Variants in TDRD7 observed in about 807,000 individuals in gnomAD.
The protein encoded by TDRD7 is tudor domain containing 7, also known as tudor domain-containing protein 7.
TDRD7 carries 47 observed loss-of-function variants against 109.8 expected under a neutral mutation model. That is an observed-to-expected ratio of 0.43 (90% CI 0.34 to 0.55). The LOEUF (loss-of-function observed/expected upper bound fraction) is 0.55. Ranked by LOEUF, TDRD7 falls within the 20% of genes least tolerant of loss-of-function variation. TDRD7 has a pLI of 0.03. For synonymous variants in TDRD7, 424 were observed against 457.3 expected (o/e 0.93, Z 0.93); for missense variants, 1,164 against 1,319.2 (o/e 0.88, Z 1.82).
chr9:97,421,919 C>T (rs538857062), intron 1 of TDRD7, among the ~76,000 whole-genome samples: 1 of 152,200 alleles, frequency 6.6e-6, no homozygotes, highest in East Asian at 1.9e-4. Context: ...CAAAGATTTA[C>T]TCCTGTGTAT....
intron 12 of TDRD7, among the ~76,000 whole-genome samples, chr9:97,477,739 T>C (rs557214350): frequency 8.5e-5 from 13 of 152,284 alleles, no homozygotes; most frequent in Admixed American, 7.9e-4. Flanking sequence ...AAGGTAATTA[T>C]TGTTTTGACC....
intron 9 of TDRD7, among the ~76,000 whole-genome samples, chr9:97,471,848 A>G (rs1391725890): frequency 6.6e-6 from 1 of 152,236 alleles, no homozygotes; most frequent in Non-Finnish European, 1.5e-5. Flanking sequence ...AAAAGAAACA[A>G]TAGTGGTTGT....
intron 1 of TDRD7, among the ~76,000 whole-genome samples, chr9:97,423,901 A>G (rs1034866135): frequency 6.6e-6 from 1 of 152,114 alleles, no homozygotes; most frequent in African/African-American, 2.4e-5. Context: ...AGTTGTTTGA[A>G]TATCATTTTA....
chr9:97,464,581 C>T (rs1346458836), intron 7 of TDRD7, among the ~76,000 whole-genome samples: 3 of 152,130 alleles, frequency 2.0e-5, no homozygotes, highest in African/African-American at 7.2e-5. Flanking sequence ...TGGTCTCAAA[C>T]TCCTGACCTT....
chr9:97,475,119 A>T (rs1828996128), intron 11 of TDRD7, among the ~76,000 whole-genome samples: 2 of 152,164 alleles, frequency 1.3e-5, no homozygotes, highest in Non-Finnish European at 2.9e-5. Flanking sequence ...AATCATAATG[A>T]TCTTATGCTA....
At chr9:97,460,838 A>G (rs763730023) in intron 7 of TDRD7, 74 bp downstream of exon 7, 422 of 1,388,332 alleles carry the variant, frequency 3.0e-4, no homozygotes, top group Non-Finnish European at 3.9e-4. Flanking sequence ...ATGGATGTTG[A>G]GGGTTAAAGG....
chr9:97,427,710 A>G lies in TDRD7; in HGVS notation c.-6-750A>G, dbSNP rs187054055. On this transcript the variant is annotated intron_variant, in intron 1 of 16. Coordinates refer to ENST00000355295, the MANE Select transcript of TDRD7 (RefSeq NM_014290.3). ...GGAGCCCACCTCTTCATCCAAACCAATTAATCAATTCCTGCTGATTCCACC... is the reference window on the plus strand; with the variant it reads ...GGAGCCCACCTCTTCATCCAAACCAGTTAATCAATTCCTGCTGATTCCACC... 1.2e-4 allele frequency among the ~76,000 whole-genome samples: 18 copies of G among 152,258 alleles called. No homozygotes were observed. The East Asian group carries it at 3.3e-3, about 28-fold the overall frequency.
intron 15 of TDRD7, among the ~76,000 whole-genome samples, chr9:97,486,539 C>T (rs971872105): frequency 6.6e-6 from 1 of 151,946 alleles, no homozygotes; most frequent in Non-Finnish European, 1.5e-5. Flanking sequence ...TTTTTAATGA[C>T]CTTGTCATAA....
At chr9:97,431,986 G>A in intron 3 of TDRD7, 39 bp from the exon 4 acceptor site, 1 of 1,567,824 alleles carries the variant, frequency 6.4e-7, no homozygotes, top group South Asian at 1.1e-5. Context: ...GGGGTTTGGG[G>A]ATGCTAATTG....
chr9:97,454,616 T>C (rs1828569032), intron 6 of TDRD7, among the ~76,000 whole-genome samples: 1 of 152,140 alleles, frequency 6.6e-6, no homozygotes, highest in Non-Finnish European at 1.5e-5. Context: ...AAGACAGAAA[T>C]CAAGAAGTTC....
At chr9:97,414,538 G>A (rs1454031410) in intron 1 of TDRD7, among the ~76,000 whole-genome samples, 1 of 152,170 alleles carries the variant, frequency 6.6e-6, no homozygotes, top group African/African-American at 2.4e-5. Context: ...AATCAGTAGC[G>A]GAACTAGGAT....
chr9:97,412,527 T>C lies in TDRD7; in HGVS notation c.-7+289T>C, dbSNP rs1241632418. On this transcript the variant is annotated intron_variant, in intron 1 of 16. Coordinates refer to ENST00000355295, the MANE Select transcript of TDRD7 (RefSeq NM_014290.3). This position sits in a 1 kb window ranked among gnomAD's most constrained non-coding sequence, Gnocchi z 4.3. ...CACGCGGGAGTCGGACGGAGCCTCC[T>C]GCCGCCTCGGAAGCTCTGCGCCGTG... Among the ~76,000 whole-genome samples the C allele has an allele frequency of 6.6e-6, 1 of 152,170 alleles. No individual in the cohort carries two copies. Among genetic ancestry groups the C allele is most frequent in the Non-Finnish European group, 1.5e-5 (1 of 68,020 alleles).
At chr9:97,431,987 A>G (rs751987199) in intron 3 of TDRD7, 38 bp from the exon 4 acceptor site, 27 of 1,570,420 alleles carry the variant, frequency 1.7e-5, no homozygotes, top group Admixed American at 3.3e-5. Context: ...GGGTTTGGGG[A>G]TGCTAATTGA....
intron 1 of TDRD7, among the ~76,000 whole-genome samples, chr9:97,415,363 G>C (rs952906592): frequency 3.3e-5 from 5 of 152,196 alleles, no homozygotes; most frequent in Non-Finnish European, 5.9e-5. Flanking sequence ...GACTGAGCCA[G>C]GGAGGATCAA....
chr9:97,477,238 G>T (rs1829038227), intron 12 of TDRD7, among the ~76,000 whole-genome samples: 1 of 152,042 alleles, frequency 6.6e-6, no homozygotes, highest in African/African-American at 2.4e-5. Context: ...AATTATCAAA[G>T]CCAGGAAATT....
intron 1 of TDRD7, among the ~76,000 whole-genome samples, chr9:97,422,130 C>A (rs1827910051): frequency 6.6e-6 from 1 of 152,170 alleles, no homozygotes; most frequent in Non-Finnish European, 1.5e-5. Context: ...AGGTGGCTCA[C>A]ACCTGTAATC....
intron 4 of TDRD7, among the ~76,000 whole-genome samples, chr9:97,435,976 T>G (rs1404121628): frequency 6.6e-6 from 1 of 152,082 alleles, no homozygotes; most frequent in Non-Finnish European, 1.5e-5. Flanking sequence ...ACATGTACAT[T>G]TACATATGCA....
In TDRD7 at chr9:97,441,746, G is replaced by C; in HGVS notation, c.726G>C (p.Lys242Asn). The C allele has an allele frequency of 6.2e-7, 1 of 1,613,748 alleles. No individual in the cohort carries two copies. Among genetic ancestry groups the C allele is most frequent in the Non-Finnish European group, 8.5e-7 (1 of 1,179,878 alleles). ...YKMDEVQNRI[K>N]EILNKHNNGI... ...TGGATGAGGTTCAAAATCGCATAAA[G>C]GAAATACTAAACAAGCATAACAATG... is the stretch of plus-strand genomic sequence containing the variant. Residue 242 changes from lysine (K) to asparagine (N), a missense_variant, in exon 6 of 17, where the codon AAG becomes AAC. By Grantham distance (94) the Lys-to-Asn change is moderately conservative (BLOSUM62 0). Coordinates refer to ENST00000355295, the MANE Select transcript of TDRD7 (RefSeq NM_014290.3).
chr9:97,465,073 T>C, intron 8 of TDRD7, 45 bp downstream of exon 8: 1 of 1,569,714 alleles, frequency 6.4e-7, no homozygotes, highest in Non-Finnish European at 8.7e-7. Flanking sequence ...TACAAATACC[T>C]TATTATTTTC....
Sources: gnomAD v4.1 joint callset for allele counts (sites outside exome capture counted in the v4.1 genomes callset) on GRCh38, gnomAD v4.1.1 for gene constraint, Gnocchi (gnomAD v3.1) non-coding constraint, MANE v1.5 for transcripts, NCBI Gene and HGNC (gene_info 2026-07-23, HGNC 2026-07-21) for gene names.